Variants in ARHGAP21 observed in about 807,000 individuals in gnomAD.
ARHGAP21 encodes rho GTPase-activating protein 21.
A neutral mutation model predicts 164.6 loss-of-function variants in ARHGAP21; 38 were observed. The observed-to-expected ratio is 0.23, with a 90% CI of 0.18 to 0.30. ARHGAP21 has a LOEUF of 0.30. Ranked by LOEUF, ARHGAP21 falls within the 10% of genes least tolerant of loss-of-function variation. ARHGAP21 has a pLI of 1.00. For synonymous variants in ARHGAP21, 766 were observed against 857.9 expected (o/e 0.89, Z 1.87); for missense variants, 1,822 against 2,370.7 (o/e 0.77, Z 4.81).
At chr10:24,705,936 C>T (rs940544986) in intron 2 of ARHGAP21, among the ~76,000 whole-genome samples, 4 of 152,146 alleles carry the variant, frequency 2.6e-5, no homozygotes, top group Non-Finnish European at 5.9e-5. Context: ...AAAATAAGAG[C>T]TTTTGCTTCT....
chr10:24,633,249 C>A (rs1201887853), intron 6 of ARHGAP21, among the ~76,000 whole-genome samples, 153 bp downstream of exon 6: 8 of 152,112 alleles, frequency 5.3e-5, no homozygotes, highest in Non-Finnish European at 8.8e-5. Flanking sequence ...GATAGCTGGT[C>A]CTTGGCAACT....
chr10:24,659,828 G>A (rs1281081000), intron 4 of ARHGAP21, among the ~76,000 whole-genome samples: 1 of 152,178 alleles, frequency 6.6e-6, no homozygotes, highest in Non-Finnish European at 1.5e-5. Flanking sequence ...TTATTGAGAG[G>A]CTGTGGTAGA....
At chr10:24,622,385 G>A (rs898357345) in intron 8 of ARHGAP21, among the ~76,000 whole-genome samples, 15 of 138,262 alleles carry the variant, frequency 1.1e-4, no homozygotes, top group Middle Eastern at 3.7e-3. Context: ...AGCCACAAAC[G>A]TAACAGCAAA....
chr10:24,719,363 A>T (rs1427188367), intron 2 of ARHGAP21, among the ~76,000 whole-genome samples: 2 of 152,202 alleles, frequency 1.3e-5, no homozygotes, highest in Non-Finnish European at 2.9e-5. Flanking sequence ...TATATCATAT[A>T]TCAACACAAT....
chr10:24,618,699 C>T (rs1227041336), intron 9 of ARHGAP21, among the ~76,000 whole-genome samples: 1 of 152,106 alleles, frequency 6.6e-6, no homozygotes, highest in Admixed American at 6.5e-5. Flanking sequence ...GATAGGAGAT[C>T]ACGAAGTAGG....
At chr10:24,634,862 T>C (rs2131365280) in intron 5 of ARHGAP21, 149 bp downstream of exon 5, 1 of 536,212 alleles carries the variant, frequency 1.9e-6, no homozygotes, top group African/African-American at 1.9e-5. Context: ...AGAAACATAA[T>C]TAGTTCTCAA....
chr10:24,669,303 G>A (rs182161220), intron 3 of ARHGAP21, among the ~76,000 whole-genome samples: 3 of 152,058 alleles, frequency 2.0e-5, no homozygotes, highest in Admixed American at 6.5e-5. Flanking sequence ...ATAAAAATAC[G>A]GACACTACTT....
At chr10:24,590,163 C>T (rs1389049554) in intron 24 of ARHGAP21, 3 of 1,389,822 alleles carry the variant, frequency 2.2e-6, no homozygotes, top group African/African-American at 2.9e-5. Context: ...CCTTTTAACA[C>T]ATGGCTAAAT....
chr10:24,597,654 G>GT, intron 15 of ARHGAP21, 71 bp from the exon 16 acceptor site: 1 of 1,572,376 alleles, frequency 6.4e-7, no homozygotes, highest in Admixed American at 1.9e-5. Context: ...GTTACCCGTG[G>GT]TGAGCCATGG....
At chr10:24,652,611 A>T (rs1838297755) in intron 4 of ARHGAP21, among the ~76,000 whole-genome samples, 1 of 152,224 alleles carries the variant, frequency 6.6e-6, no homozygotes. Flanking sequence ...TATTTAAAGA[A>T]TGCCTACAAG....
intron 2 of ARHGAP21, among the ~76,000 whole-genome samples, chr10:24,673,652 A>G (rs1332976055): frequency 6.6e-6 from 1 of 152,022 alleles, no homozygotes; most frequent in Non-Finnish European, 1.5e-5. Context: ...ACTTGAGGCC[A>G]GGAGTTCGAG....
In ARHGAP21 at chr10:24,610,250, G is replaced by A. The variant is rs530802556; in HGVS notation, c.2423-2347C>T. Among the ~76,000 whole-genome samples, 26 of 152,050 alleles carry A rather than the reference G, an allele frequency of 1.7e-4. No homozygotes were observed. In the East Asian group the frequency reaches 1.7e-3, roughly 10 times the overall value. ...AAATTAGCTGGGCATGGTGGTGCGC[G>A]CCTGTAGTCCCAGCTACTCGGGAAG... On this transcript the variant is annotated intron_variant, in intron 9 of 25. Coordinates refer to ENST00000396432, the MANE Select transcript of ARHGAP21 (RefSeq NM_020824.4).
At chr10:24,651,402 T>A (rs1838148588) in intron 4 of ARHGAP21, among the ~76,000 whole-genome samples, 1 of 152,168 alleles carries the variant, frequency 6.6e-6, no homozygotes. Context: ...TTTTCCCCTG[T>A]CCTCTCTTGC....
In ARHGAP21 at chr10:24,602,094, T is replaced by A. The variant is rs1392387173; in HGVS notation, c.2731A>T (p.Ser911Cys). 6.2e-7 allele frequency: 1 copy of A among 1,613,226 alleles called. No homozygotes were observed. Among genetic ancestry groups the A allele is most frequent in the Non-Finnish European group, 8.5e-7 (1 of 1,179,838 alleles). ...SSLKGIKIADSQKSSEDSGSR... is the reference protein window; with the variant it reads ...SSLKGIKIADCQKSSEDSGSR... ...CCAGAGTCTTCTGATGACTTTTGGC[T>A]GTCTGCGATCTATAGAAAAGACCAA... is the stretch of plus-strand genomic sequence containing the variant. Residue 911 changes from serine (S) to cysteine (C), a missense_variant, in exon 13 of 26, where the codon AGC (serine) becomes TGC (cysteine). Ser to Cys is a moderately radical substitution (Grantham distance 112). Around this residue, in one of 5 missense-constraint regions of ARHGAP21, gnomAD observed 1,090 missense variants for 1,378.9 expected, o/e 0.79. Transcript: ENST00000396432.
intron 25 of ARHGAP21, among the ~76,000 whole-genome samples, chr10:24,588,723 T>C (rs1194689893): frequency 6.6e-6 from 1 of 152,140 alleles, no homozygotes; most frequent in African/African-American, 2.4e-5. Context: ...AGTTGTGTAA[T>C]TGAGGGAACA....
chr10:24,644,168 T>C (rs889284315), intron 4 of ARHGAP21, among the ~76,000 whole-genome samples: 1 of 152,180 alleles, frequency 6.6e-6, no homozygotes. Flanking sequence ...GATTTAGTCA[T>C]CAGTCCTCTT....
rs941390115 is a variant in ARHGAP21 at position 24,722,101 on chromosome 10, A to G, written c.-202T>C. 2 of 611,726 alleles carry G rather than the reference A, an allele frequency of 3.3e-6. No individual in the cohort carries two copies. The highest frequency in any genetic ancestry group is 5.5e-5 in the Admixed American group (2 of 36,366). The allele number at this position is 611,726 out of a possible 1,614,324, so 37.9% of individuals were successfully genotyped here. ...GCCTCGCTGATTTCTCGTGACTTCA[A>G]CTGACTTCGCCTTCTTCTTCCATTT... On this transcript the variant is annotated 5_prime_UTR_variant, in exon 2 of 26. Coordinates refer to ENST00000396432, the MANE Select transcript of ARHGAP21 (RefSeq NM_020824.4).
chr10:24,600,947 A>G lies in ARHGAP21; in HGVS notation c.2848-17T>C, dbSNP rs746554191. On this transcript the variant is annotated splice_polypyrimidine_tract_variant and intron_variant, in intron 13 of 25. Coordinates refer to ENST00000396432, the MANE Select transcript of ARHGAP21 (RefSeq NM_020824.4). ...ACCAACTCGCTAGAAAACATGCGAC[A>G]GTTCTTTAATAGTCAATATTTGGCT... The G allele has an allele frequency of 1.2e-6, 2 of 1,605,662 alleles. No homozygotes were observed. Among genetic ancestry groups the G allele is most frequent in the Non-Finnish European group, 1.7e-6 (2 of 1,174,174 alleles).
chr10:24,701,812 C>T (rs1339566483), intron 2 of ARHGAP21, among the ~76,000 whole-genome samples: 1 of 152,168 alleles, frequency 6.6e-6, no homozygotes. Context: ...ATACTCGATG[C>T]TGAGCTGAAA....
Sources: gnomAD v4.1 joint callset for allele counts (sites outside exome capture counted in the v4.1 genomes callset) on GRCh38, gnomAD v4.1.1 for gene constraint, gnomAD v4.1.1 regional missense constraint, MANE v1.5 for transcripts, NCBI Gene and HGNC (gene_info 2026-07-23, HGNC 2026-07-21) for gene names.